OSBPL9: variants seen among roughly 807,000 people sequenced by gnomAD.
OSBPL9 encodes oxysterol binding protein like 9.
In OSBPL9, 40 loss-of-function variants were observed where a neutral mutation model predicts 106.6. That is an observed-to-expected ratio of 0.38 (90% CI 0.29 to 0.49). The LOEUF (loss-of-function observed/expected upper bound fraction) is 0.49, where lower values mean the gene tolerates loss of function less well. Among genes scored for constraint, OSBPL9 ranks in the 20% least tolerant of loss-of-function variants. OSBPL9 has a pLI of 0.97. For synonymous variants in OSBPL9, 269 were observed against 295.4 expected, an observed-to-expected ratio of 0.91 and a Z score of 0.92; for missense variants, 609 against 887.2, an observed-to-expected ratio of 0.69 and a Z score of 3.98.
chr1:51,540,301 A>C, the OSBPL9 span, among the ~76,000 whole-genome samples: 1 of 152,034 alleles, frequency 6.6e-6, no homozygotes, highest in Admixed American at 6.5e-5. Flanking sequence ...TGCCAAGATC[A>C]TTAGTGACCC....
chr1:51,561,146 A>G, the OSBPL9 span: 1 of 152,252 alleles, frequency 6.6e-6, no homozygotes, highest in Non-Finnish European at 1.5e-5. Flanking sequence ...CTGAGCCAGG[A>G]GAATCACTTG....
intron 1 of OSBPL9, among the ~76,000 whole-genome samples, chr1:51,647,602 C>T (rs996627769): frequency 1.4e-4 from 22 of 152,034 alleles, no homozygotes; most frequent in Admixed American, 5.2e-4. Context: ...TTCAGATTTT[C>T]TATTTTTTCT....
chr1:51,785,536 G>T, intron 20 of OSBPL9: 1 of 440,136 alleles, frequency 2.3e-6, no homozygotes, highest in Non-Finnish European at 4.0e-6. Context: ...CTTGAGGATA[G>T]GGAATTTGCC....
intron 4 of OSBPL9, among the ~76,000 whole-genome samples, chr1:51,730,289 T>C (rs906256237): frequency 2.0e-5 from 3 of 152,216 alleles, no homozygotes; most frequent in Non-Finnish European, 4.4e-5. Flanking sequence ...TTCATTTTTG[T>C]GGAACTCTGT....
At chr1:51,685,994 AGG>A in intron 3 of OSBPL9, among the ~76,000 whole-genome samples, 1 of 152,118 alleles carries the variant, frequency 6.6e-6, no homozygotes, top group South Asian at 2.1e-4. Context: ...GGGAGGAATC[AGG>A]GGATCAAATA....
At chr1:51,642,678 A>C (rs1011446472) in intron 1 of OSBPL9, among the ~76,000 whole-genome samples, 8 of 152,200 alleles carry the variant, frequency 5.3e-5, no homozygotes, top group African/African-American at 1.9e-4. Context: ...ACCCTTTGGC[A>C]TATCTGGAGT....
At chr1:51,661,411 T>C (rs1647141691) in intron 2 of OSBPL9, among the ~76,000 whole-genome samples, 1 of 152,128 alleles carries the variant, frequency 6.6e-6, no homozygotes, top group South Asian at 2.1e-4. Flanking sequence ...AGTATGTCTG[T>C]GTGTATAGAA....
the OSBPL9 span, among the ~76,000 whole-genome samples, chr1:51,525,333 A>G: frequency 6.6e-6 from 1 of 152,242 alleles, no homozygotes; most frequent in Non-Finnish European, 1.5e-5. Context: ...CTGGTTCAGT[A>G]TCTGTCACTT....
At chr1:51,604,527 G>T (rs946214924) in intron 2 of OSBPL9, among the ~76,000 whole-genome samples, 1 of 151,446 alleles carries the variant, frequency 6.6e-6, no homozygotes, top group African/African-American at 2.4e-5. Context: ...TTATACTCCC[G>T]CCTGGGTGAC....
chr1:51,735,762 CT>C (rs1158046906), intron 4 of OSBPL9, among the ~76,000 whole-genome samples: 1 of 152,152 alleles, frequency 6.6e-6, no homozygotes, highest in Non-Finnish European at 1.5e-5. Flanking sequence ...TAAAAATGTG[CT>C]CAGGATAAGA....
chr1:51,669,011 A>G (rs905365215), intron 2 of OSBPL9, among the ~76,000 whole-genome samples: 1 of 152,204 alleles, frequency 6.6e-6, no homozygotes, highest in African/African-American at 2.4e-5. Context: ...TAACAAGTAT[A>G]TACTATCACA....
At chr1:51,672,739 CAT>C (rs1406662497) in intron 3 of OSBPL9, among the ~76,000 whole-genome samples, 1 of 152,208 alleles carries the variant, frequency 6.6e-6, no homozygotes, top group African/African-American at 2.4e-5. Context: ...TGAGCTGTAA[CAT>C]ATGACAGAAA....
chr1:51,684,378 T>A (rs1653278910), intron 3 of OSBPL9, among the ~76,000 whole-genome samples: 1 of 152,168 alleles, frequency 6.6e-6, no homozygotes, highest in Admixed American at 6.5e-5. Flanking sequence ...AAAGTAGATT[T>A]TAAGTGTTCT....
intron 2 of OSBPL9, among the ~76,000 whole-genome samples, chr1:51,658,960 A>C (rs180999994): frequency 6.6e-6 from 1 of 152,208 alleles, no homozygotes; most frequent in East Asian, 1.9e-4. Context: ...TTTAATATTG[A>C]AAATATCCTC....
At position 51,702,631 on chromosome 1, in the gene OSBPL9, T is replaced by C. The variant is rs565439964; in HGVS notation, c.242-11372T>C. ...CTGATGGTAGTTTCTTTTGCTGTGC[T>C]GAAGCTCTTTAATTTAATTAGATCC... On this transcript the variant is annotated intron_variant, in intron 3 of 23. Coordinates refer to ENST00000428468, the MANE Select transcript of OSBPL9 (RefSeq NM_024586.6). 2.0e-3 allele frequency among the ~76,000 whole-genome samples: 300 copies of C among 152,348 alleles called. 1 individual carries two copies. Among genetic ancestry groups the C allele is most frequent in the Non-Finnish European group, 3.6e-3 (244 of 68,038 alleles).
intron 3 of OSBPL9, among the ~76,000 whole-genome samples, chr1:51,676,800 A>T (rs530477723): frequency 6.6e-6 from 1 of 152,354 alleles, no homozygotes; most frequent in East Asian, 1.9e-4. Flanking sequence ...ATACAATTTT[A>T]AAAAATGACA....
chr1:51,611,832 G>A (rs35262153), intron 2 of OSBPL9, among the ~76,000 whole-genome samples: 4,237 of 152,154 alleles, frequency 0.028, 90 homozygotes, highest in Non-Finnish European at 0.043. Flanking sequence ...AAAATTAGCC[G>A]GGCGTGGTGG....
chr1:51,691,525 A>T (rs1359875162), intron 3 of OSBPL9, among the ~76,000 whole-genome samples: 1 of 151,824 alleles, frequency 6.6e-6, no homozygotes, highest in Non-Finnish European at 1.5e-5. Context: ...TGACCTTGTG[A>T]TCCACCTGCC....
intron 1 of OSBPL9, among the ~76,000 whole-genome samples, chr1:51,623,685 G>T (rs2148632273): frequency 6.6e-6 from 1 of 151,460 alleles, no homozygotes; most frequent in South Asian, 2.1e-4. Flanking sequence ...GTGTTATTTG[G>T]CAGTCTTTAG....
Sources: allele counts gnomAD v4.1 joint callset (sites outside exome capture counted in the v4.1 genomes callset), GRCh38; gene constraint gnomAD v4.1.1; transcripts MANE v1.5; gene names NCBI Gene and HGNC (gene_info 2026-07-23, HGNC 2026-07-21).